The following ARHGAP24 variants were observed in gnomAD, a reference collection of about 807,000 sequenced individuals.
ARHGAP24 encodes Rho GTPase activating protein 24, also known as rho GTPase-activating protein 24.
In ARHGAP24, 50 loss-of-function variants were observed where a neutral mutation model predicts 76.4. That is an observed-to-expected ratio of 0.65 (90% confidence interval 0.52 to 0.83). ARHGAP24 has a LOEUF of 0.83. Among genes scored for constraint, ARHGAP24 ranks in the 40% least tolerant of loss-of-function variants. The pLI is 0.00. For synonymous variants in ARHGAP24, 345 were observed against 323.3 expected (o/e 1.07, Z -0.72); for missense variants, 930 against 914.2 (o/e 1.02, Z -0.22).
At chr4:85,840,082 GC>G in intron 3 of ARHGAP24, among the ~76,000 whole-genome samples, 1 of 147,184 alleles carries the variant, frequency 6.8e-6, no homozygotes, top group South Asian at 2.2e-4. Context: ...GGTCAGGCTG[GC>G]CTCAAACTCC....
chr4:85,534,440 C>T (rs983745343), intron 1 of ARHGAP24, among the ~76,000 whole-genome samples: 3 of 152,088 alleles, frequency 2.0e-5, no homozygotes, highest in Non-Finnish European at 4.4e-5. Flanking sequence ...CCCCTTTCGC[C>T]GCCTGCTCCA....
At chr4:85,719,431 G>T (rs981639592) in intron 2 of ARHGAP24, among the ~76,000 whole-genome samples, 1 of 152,138 alleles carries the variant, frequency 6.6e-6, no homozygotes, top group Non-Finnish European at 1.5e-5. Context: ...GTTGGAGAGC[G>T]CTATGCTTTA....
intron 1 of ARHGAP24, among the ~76,000 whole-genome samples, chr4:85,516,054 T>G (rs1276747465): frequency 6.6e-6 from 1 of 152,180 alleles, no homozygotes; most frequent in East Asian, 1.9e-4. Flanking sequence ...GGCCATTGTC[T>G]ATGTGATGTT....
chr4:85,754,870 C>T (rs1726414864), intron 3 of ARHGAP24, among the ~76,000 whole-genome samples: 1 of 152,112 alleles, frequency 6.6e-6, no homozygotes, highest in Non-Finnish European at 1.5e-5. Flanking sequence ...TTTTTGGTTC[C>T]TCTGTTTACA....
intron 3 of ARHGAP24, among the ~76,000 whole-genome samples, chr4:85,733,940 G>A (rs1460088824): frequency 6.6e-6 from 1 of 152,128 alleles, no homozygotes; most frequent in Admixed American, 6.5e-5. Context: ...GAATTAAAAA[G>A]GAAATGAGAC....
At chr4:85,701,652 C>A (rs1367922631) in intron 2 of ARHGAP24, among the ~76,000 whole-genome samples, 2 of 151,942 alleles carry the variant, frequency 1.3e-5, no homozygotes, top group Non-Finnish European at 1.5e-5. Context: ...CATGTCTTAT[C>A]TGGTCAGATT....
At chr4:85,884,225 A>G (rs548169338) in intron 3 of ARHGAP24, among the ~76,000 whole-genome samples, 2 of 152,238 alleles carry the variant, frequency 1.3e-5, no homozygotes, top group South Asian at 2.1e-4. Flanking sequence ...TTTTTGCTCT[A>G]AGGTTCTCCA....
chr4:85,838,878 G>C (rs1260479215), intron 3 of ARHGAP24, among the ~76,000 whole-genome samples: 1 of 151,626 alleles, frequency 6.6e-6, no homozygotes, highest in Non-Finnish European at 1.5e-5. Flanking sequence ...GAAATTTTCT[G>C]CTCTTCCTCT....
At chr4:85,866,317 C>T (rs969434277) in intron 3 of ARHGAP24, among the ~76,000 whole-genome samples, 7 of 152,082 alleles carry the variant, frequency 4.6e-5, no homozygotes, top group Non-Finnish European at 7.4e-5. Context: ...CTCTAACCGA[C>T]AGCAAGTTGT....
In ARHGAP24 at chr4:85,712,799, G is replaced by C. The variant is rs140698562; in HGVS notation, c.181-9086G>C. ...CTTTAATCACATCTGCAAAGGCCCT[G>C]TTTTCTAATAAAGTAATATTTCCAG... On this transcript the variant is annotated intron_variant, in intron 2 of 9. Transcript: ENST00000395184. Among the ~76,000 whole-genome samples the C allele has an allele frequency of 5.3e-3, 803 of 152,238 alleles. 6 individuals carry two copies. Among genetic ancestry groups the C allele is most frequent in the African/African-American group, 0.018 (759 of 41,554 alleles).
chr4:85,766,667 C>G (rs1726942130), intron 3 of ARHGAP24, among the ~76,000 whole-genome samples: 1 of 152,066 alleles, frequency 6.6e-6, no homozygotes, highest in Admixed American at 6.6e-5. Context: ...GATGAAAAAT[C>G]TGCTGAGGTG....
chr4:85,646,084 G>T (rs773183975), intron 2 of ARHGAP24, among the ~76,000 whole-genome samples: 1 of 152,008 alleles, frequency 6.6e-6, no homozygotes, highest in Non-Finnish European at 1.5e-5. Flanking sequence ...GTTTGTATAT[G>T]TTATTTAAAA....
At chr4:85,855,938 T>C (rs1731531883) in intron 3 of ARHGAP24, among the ~76,000 whole-genome samples, 1 of 152,184 alleles carries the variant, frequency 6.6e-6, no homozygotes, top group South Asian at 2.1e-4. Flanking sequence ...TTTTAATTGA[T>C]GGAATTTGAA....
chr4:85,989,222 C>T (rs1350047575), intron 8 of ARHGAP24, among the ~76,000 whole-genome samples: 7 of 151,740 alleles, frequency 4.6e-5, no homozygotes, highest in African/African-American at 1.7e-4. Flanking sequence ...TACCAAAGGT[C>T]TTACAGATGT....
intron 1 of ARHGAP24, among the ~76,000 whole-genome samples, chr4:85,558,335 T>G (rs959076765): frequency 6.7e-6 from 1 of 149,796 alleles, no homozygotes; most frequent in African/African-American, 2.6e-5. Context: ...TGTAGAAGAT[T>G]TATTTCTCTT....
At chr4:85,797,430 C>T (rs1386621083) in intron 3 of ARHGAP24, among the ~76,000 whole-genome samples, 5 of 152,286 alleles carry the variant, frequency 3.3e-5, no homozygotes, top group African/African-American at 2.4e-5. Flanking sequence ...GCCTCGGCCT[C>T]CCAAAGTGCT....
chr4:85,646,613 G>A (rs1023986893), intron 2 of ARHGAP24, among the ~76,000 whole-genome samples: 6 of 151,904 alleles, frequency 3.9e-5, no homozygotes, highest in African/African-American at 1.2e-4. Flanking sequence ...GACCCTCATT[G>A]AATAAATTAT....
chr4:85,926,316 C>T (rs1736021576), intron 4 of ARHGAP24, among the ~76,000 whole-genome samples: 1 of 152,176 alleles, frequency 6.6e-6, no homozygotes, highest in African/African-American at 2.4e-5. Context: ...ATAATAGAAA[C>T]AATGCTTCAA....
At chr4:85,889,921 C>A (rs75349090) in intron 3 of ARHGAP24, among the ~76,000 whole-genome samples, 2,231 of 152,206 alleles carry the variant, frequency 0.015, 64 homozygotes, top group African/African-American at 0.051. Flanking sequence ...ATTGCCATCT[C>A]TTTCTTTTTT....
Sources: gnomAD v4.1 joint callset for allele counts (sites outside exome capture counted in the v4.1 genomes callset) on GRCh38, gnomAD v4.1.1 for gene constraint, MANE v1.5 for transcripts, NCBI Gene and HGNC (gene_info 2026-07-23, HGNC 2026-07-21) for gene names.